NAP1L1: variants seen among roughly 807,000 people sequenced by gnomAD.
The protein encoded by NAP1L1 is nucleosome assembly protein 1 like 1, also known as nucleosome assembly protein 1-like 1.
NAP1L1 carries 9 observed loss-of-function variants against 58.9 expected under a neutral mutation model. That is an observed-to-expected ratio of 0.15 (90% CI 0.09 to 0.27). The LOEUF is 0.27. Ranked by LOEUF, NAP1L1 falls within the 10% of genes least tolerant of loss-of-function variation. The pLI, the probability that NAP1L1 is intolerant of heterozygous loss-of-function variation, is 1.00. For missense variants in NAP1L1, 302 were observed against 458.8 expected (o/e 0.66, Z 3.12); for synonymous variants, 130 against 138.3 (o/e 0.94, Z 0.42).
intron 4 of NAP1L1, 34 bp downstream of exon 4, chr12:76,067,337 A>G: frequency 6.7e-7 from 1 of 1,503,524 alleles, no homozygotes; most frequent in Non-Finnish European, 9.2e-7. Context: ...CGTTGATTAT[A>G]GAAAGATAAA....
intron 1 of NAP1L1, 41 bp from the exon 2 acceptor site, chr12:76,074,280 T>C: frequency 6.6e-7 from 1 of 1,526,076 alleles, no homozygotes; most frequent in Non-Finnish European, 8.7e-7. Flanking sequence ...AAGTATATGA[T>C]TTATTAAAAA....
At chr12:76,048,750 G>T (rs1167754684) in intron 14 of NAP1L1, among the ~76,000 whole-genome samples, 1 of 151,954 alleles carries the variant, frequency 6.6e-6, no homozygotes, top group African/African-American at 2.4e-5. Flanking sequence ...TTACCAATCA[G>T]CTTTGTTTTT....
rs1950091124 is a variant in NAP1L1 at position 76,074,226 on chromosome 12, A to G, written c.-7T>C. On this transcript the variant is annotated 5_prime_UTR_variant, in exon 2 of 15. Coordinates refer to ENST00000618691, the MANE Select transcript of NAP1L1 (RefSeq NM_004537.7). ...ACTTGTCAATGTCTGCCATGTTGTA[A>G]GAACTCCAAATATCTATGGAGAGAA... The G allele has an allele frequency of 6.3e-7, 1 of 1,597,864 alleles. No homozygotes were observed. Among genetic ancestry groups the G allele is most frequent in the Non-Finnish European group, 8.5e-7 (1 of 1,173,016 alleles).
At chr12:76,056,318 T>A in intron 6 of NAP1L1, 157 bp from the exon 7 acceptor site, 1 of 689,874 alleles carries the variant, frequency 1.4e-6, no homozygotes, top group Non-Finnish European at 2.3e-6. Context: ...CAAACCTTAA[T>A]CCCATCAAAA....
Position 76,068,821 on chromosome 12 carries a change from G to A in NAP1L1, c.103+88C>T, listed in dbSNP as rs570228628. 15 of 870,758 alleles carry A rather than the reference G, an allele frequency of 1.7e-5. No homozygotes were observed. In the Admixed American group the frequency reaches 1.7e-4, roughly 10 times the overall value. 53.9% of individuals were successfully genotyped at this position (870,758 alleles called of 1,614,324 possible). ...TAGATAAATGGGACAATGAGCAAGG[G>A]TCCAAAAAAATAGACTGGTACTTAT... On this transcript the variant is annotated intron_variant, in intron 3 of 14. Transcript: ENST00000618691.
rs1249490948 is a variant in NAP1L1, at chr12:76,042,961, C to T, written c.*5468G>A. On this transcript the variant is annotated 3_prime_UTR_variant, in exon 15 of 15. Transcript: ENST00000618691. ...GGAAAGCTGTAATATTGATAAGTTA[C>T]CCCAAAACACCAATCTGGAGTTTGA... 1 of 152,164 alleles carries T rather than the reference C, an allele frequency of 6.6e-6. No individual in the cohort carries two copies. Among genetic ancestry groups the T allele is most frequent in the Non-Finnish European group, 1.5e-5 (1 of 68,024 alleles). 9.4% of individuals were successfully genotyped at this position (152,164 alleles called of 1,614,324 possible).
chr12:76,064,748 T>C (rs1949584736), intron 4 of NAP1L1, among the ~76,000 whole-genome samples: 2 of 151,778 alleles, frequency 1.3e-5, no homozygotes, highest in South Asian at 2.1e-4. Flanking sequence ...GTTTAAAATA[T>C]GAAACTCCAA....
intron 3 of NAP1L1, chr12:76,068,589 GCAC>G (rs1949790845): frequency 9.5e-6 from 2 of 211,234 alleles, no homozygotes; most frequent in South Asian, 1.2e-4. Flanking sequence ...ACTGTTATAA[GCAC>G]CACATCACAA....
rs1467614840 is a variant in NAP1L1 at position 76,041,503 on chromosome 12, C to A, written c.*6926G>T. 2 of 152,210 alleles carry A rather than the reference C, an allele frequency of 1.3e-5. No homozygotes were observed. Among genetic ancestry groups the A allele is most frequent in the Non-Finnish European group, 2.9e-5 (2 of 68,050 alleles). The allele number at this position is 152,210 out of a possible 1,614,324, so 9.4% of individuals were successfully genotyped here. ...GCAAATGCAGGTTAAATACAGTGGG[C>A]TATTCATCTCCAAGTTGCCGTGAAG... On this transcript the variant is annotated 3_prime_UTR_variant, in exon 15 of 15. Coordinates refer to ENST00000618691, the MANE Select transcript of NAP1L1 (RefSeq NM_004537.7).
At chr12:76,053,737 A>T (rs532975294) in intron 9 of NAP1L1, 33 bp downstream of exon 9, 1,196 of 1,595,310 alleles carry the variant, frequency 7.5e-4, no homozygotes, top group South Asian at 1.1e-3. Context: ...AAACAGAAAA[A>T]ACATTTTGTT....
chr12:76,071,778 T>C (rs566499724), intron 2 of NAP1L1, among the ~76,000 whole-genome samples: 18 of 152,192 alleles, frequency 1.2e-4, no homozygotes, highest in African/African-American at 4.3e-4. Context: ...TTCAGTTTCC[T>C]CTCAGGAAAG....
intron 1 of NAP1L1, among the ~76,000 whole-genome samples, chr12:76,079,315 C>G (rs1950311979): frequency 6.6e-6 from 1 of 152,054 alleles, no homozygotes; most frequent in African/African-American, 2.4e-5. Context: ...CGCTTGAGGC[C>G]AGGAGTTCAA....
rs773659533 is a variant in NAP1L1 at position 76,067,418 on chromosome 12, T to C, written c.159A>G (p.Gln53=). 2.3e-5 allele frequency: 37 copies of C among 1,610,030 alleles called. No homozygotes were observed. The highest frequency in any genetic ancestry group is 3.0e-5 in the Non-Finnish European group (35 of 1,177,562). The change falls in exon 4 of 15, where the codon CAA becomes CAG. Residue 53 remains glutamine (Q), a synonymous_variant. Coordinates refer to ENST00000618691, the MANE Select transcript of NAP1L1 (RefSeq NM_004537.7). ...TTTCTACCAGACCATCAAGTCTTTC[T>C]TGAAGGGCTGCAAGAATCTGAGGAT... ...MQNPQILAAL[Q]ERLDGLVETP...
intron 11 of NAP1L1, among the ~76,000 whole-genome samples, chr12:76,052,311 G>A (rs758399892): frequency 1.2e-4 from 18 of 151,966 alleles, no homozygotes; most frequent in Non-Finnish European, 2.5e-4. Flanking sequence ...CCCATCCACT[G>A]ATATGAAAAT....
chr12:76,062,074 C>T (rs184691454), intron 4 of NAP1L1, among the ~76,000 whole-genome samples: 188 of 152,298 alleles, frequency 1.2e-3, no homozygotes, highest in Non-Finnish European at 2.4e-3. Flanking sequence ...ATAGCAGTTC[C>T]GCAAGAAAGC....
At chr12:76,080,686 C>G (rs891883104) in intron 1 of NAP1L1, among the ~76,000 whole-genome samples, 1 of 152,152 alleles carries the variant, frequency 6.6e-6, no homozygotes, top group Admixed American at 6.5e-5. Flanking sequence ...CAGCTTTTCC[C>G]TAGAGCACAG....
Position 76,038,827 on chromosome 12 carries a change from G to A in NAP1L1, c.*9602C>T, listed in dbSNP as rs1377054361. The A allele has an allele frequency of 6.6e-6, 1 of 152,112 alleles. No homozygotes were observed. The highest frequency in any genetic ancestry group is 2.4e-5 in the African/African-American group (1 of 41,412). The allele number at this position is 152,112 out of a possible 1,614,324, so 9.4% of individuals were successfully genotyped here. ...ATAACTACCTAAGTAAATCATTGTT[G>A]AGTAACAATGAGCACCCCTTAAACA... On this transcript the variant is annotated 3_prime_UTR_variant, in exon 15 of 15. Coordinates refer to ENST00000618691, the MANE Select transcript of NAP1L1 (RefSeq NM_004537.7).
intron 11 of NAP1L1, 101 bp from the exon 12 acceptor site, chr12:76,050,754 C>A: frequency 7.7e-7 from 1 of 1,303,388 alleles, no homozygotes; most frequent in Non-Finnish European, 1.0e-6. Flanking sequence ...TGGCTCACAA[C>A]TGTAGTCCCA....
chr12:76,042,144 CACTGAG>C lies in NAP1L1; in HGVS notation c.*6279_*6284del, dbSNP rs1289864766. 1 of 152,040 alleles carries C rather than the reference CACTGAG, an allele frequency of 6.6e-6. No homozygotes were observed. The highest frequency in any genetic ancestry group is 2.4e-5 in the African/African-American group (1 of 41,380). 9.4% of individuals were successfully genotyped at this position (152,040 alleles called of 1,614,324 possible). A position where few individuals can be genotyped will look rare whatever the true frequency, so the allele number is the denominator to read the frequency against. ...GTCTTAGTCTCAGTGTTCTTATGTACACTGAGTAATGCATCCCTTACACCTAGGAGG... is the reference window on the plus strand; with the variant it reads ...GTCTTAGTCTCAGTGTTCTTATGTACTAATGCATCCCTTACACCTAGGAGG... On this transcript the variant is annotated 3_prime_UTR_variant, in exon 15 of 15. Coordinates refer to ENST00000618691, the MANE Select transcript of NAP1L1 (RefSeq NM_004537.7).
Sources: gnomAD v4.1 joint callset for allele counts (sites outside exome capture counted in the v4.1 genomes callset) on GRCh38, gnomAD v4.1.1 for gene constraint, MANE v1.5 for transcripts, NCBI Gene and HGNC (gene_info 2026-07-23, HGNC 2026-07-21) for gene names.